The following PRR5L variants were observed in gnomAD, a reference collection of about 807,000 sequenced individuals.
PRR5L encodes proline-rich protein 5-like.
In PRR5L, 21 loss-of-function variants were observed where a neutral mutation model predicts 36.4. The observed-to-expected ratio is 0.58, with a 90% confidence interval of 0.41 to 0.83. PRR5L has a LOEUF of 0.83. Ranked by LOEUF, PRR5L falls within the 40% of genes least tolerant of loss-of-function variation. The pLI is 0.00. For missense variants in PRR5L, 381 were observed against 473.3 expected (o/e 0.80, Z 1.81); for synonymous variants, 188 against 197.0 (o/e 0.95, Z 0.38).
intron 1 of PRR5L, among the ~76,000 whole-genome samples, chr11:36,325,931 G>A (rs931680567): frequency 1.3e-5 from 2 of 152,126 alleles, no homozygotes; most frequent in African/African-American, 2.4e-5. Context: ...CTGTGAGTCA[G>A]TTGTTGGTCT....
intron 1 of PRR5L, among the ~76,000 whole-genome samples, chr11:36,365,572 AGTATT>A (rs1857136417): frequency 6.6e-6 from 1 of 152,142 alleles, no homozygotes; most frequent in Non-Finnish European, 1.5e-5. Context: ...TATTGCATGG[AGTATT>A]TTTCCAAAAG....
chr11:36,364,514 C>A (rs906561666), intron 1 of PRR5L, among the ~76,000 whole-genome samples: 1 of 152,156 alleles, frequency 6.6e-6, no homozygotes, highest in Non-Finnish European at 1.5e-5. Flanking sequence ...GCACCTATTT[C>A]TTAGGATGGT....
At chr11:36,429,492 G>A (rs998527053) in intron 4 of PRR5L, among the ~76,000 whole-genome samples, 6 of 152,106 alleles carry the variant, frequency 3.9e-5, no homozygotes, top group African/African-American at 1.4e-4. Flanking sequence ...TTCTGTCCAT[G>A]CCTCAGTTCC....
rs561825771 is a variant in PRR5L, at chr11:36,426,787, C to T, written c.295-5066C>T. On this transcript the variant is annotated intron_variant, in intron 4 of 8. Transcript: ENST00000530639. ...ACTGACATTCTTACTGCATTGTCAT[C>T]ACCACTAAAACATTAAAAGGGACGG... 2.6e-5 allele frequency among the ~76,000 whole-genome samples: 4 copies of T among 152,336 alleles called. No homozygotes were observed. In the East Asian group the frequency reaches 7.7e-4, roughly 29 times the overall value.
intron 1 of PRR5L, among the ~76,000 whole-genome samples, chr11:36,399,349 C>T (rs1857738689): frequency 1.3e-5 from 2 of 152,152 alleles, no homozygotes; most frequent in South Asian, 2.1e-4. Flanking sequence ...TCTGCCTCTT[C>T]GTATTACAAG....
chr11:36,462,061 C>A, intron 8 of PRR5L, among the ~76,000 whole-genome samples: 1 of 152,210 alleles, frequency 6.6e-6, no homozygotes, highest in Middle Eastern at 3.2e-3. Context: ...CTGAAAAACA[C>A]ACCAGATTCC....
intron 1 of PRR5L, among the ~76,000 whole-genome samples, chr11:36,342,628 A>G (rs1049697886): frequency 2.0e-5 from 3 of 152,104 alleles, no homozygotes; most frequent in Admixed American, 1.3e-4. Context: ...CAGAACACCC[A>G]AGCAGGCCTC....
At chr11:36,462,084 C>T (rs1859197795) in intron 8 of PRR5L, among the ~76,000 whole-genome samples, 1 of 152,182 alleles carries the variant, frequency 6.6e-6, no homozygotes. Context: ...TGACTCTTAT[C>T]TGTCAAGGAA....
intron 1 of PRR5L, chr11:36,376,000 AT>A (rs1368322160): frequency 2.3e-6 from 1 of 427,362 alleles, no homozygotes; most frequent in African/African-American, 2.3e-5. Context: ...GCAGTTTCCC[AT>A]TGCGGGGCAG....
intron 1 of PRR5L, among the ~76,000 whole-genome samples, chr11:36,343,008 G>C (rs1170416944): frequency 6.6e-6 from 1 of 152,108 alleles, no homozygotes; most frequent in Non-Finnish European, 1.5e-5. Flanking sequence ...TTGATGTTTC[G>C]AGGAGATCAT....
At chr11:36,430,113 T>C (rs1320889579) in intron 4 of PRR5L, among the ~76,000 whole-genome samples, 1 of 152,174 alleles carries the variant, frequency 6.6e-6, no homozygotes, top group Non-Finnish European at 1.5e-5. Flanking sequence ...ATCTGCCATC[T>C]TGAAACTACA....
At chr11:36,391,620 A>C (rs1411035206) in intron 1 of PRR5L, among the ~76,000 whole-genome samples, 1 of 152,216 alleles carries the variant, frequency 6.6e-6, no homozygotes, top group Non-Finnish European at 1.5e-5. Context: ...GGTCCTTCCG[A>C]AAGAAATATG....
chr11:36,321,788 G>A (rs1257665606), intron 1 of PRR5L, among the ~76,000 whole-genome samples: 3 of 152,204 alleles, frequency 2.0e-5, no homozygotes, highest in South Asian at 2.1e-4. Flanking sequence ...TAGATGAAGT[G>A]CAAGATCAAG....
At chr11:36,460,409 G>A (rs79002342) in intron 8 of PRR5L, among the ~76,000 whole-genome samples, 229 of 152,008 alleles carry the variant, frequency 1.5e-3, no homozygotes, top group Non-Finnish European at 2.9e-3. Flanking sequence ...CAAGTCTGCC[G>A]TTCCTTTGTT....
chr11:36,405,646 C>T (rs1857893667), intron 3 of PRR5L, among the ~76,000 whole-genome samples: 1 of 152,188 alleles, frequency 6.6e-6, no homozygotes, highest in African/African-American at 2.4e-5. Flanking sequence ...ATTTGAACTC[C>T]TTTCTGACTT....
At chr11:36,435,475 G>A (rs1858585427) in intron 5 of PRR5L, among the ~76,000 whole-genome samples, 1 of 152,154 alleles carries the variant, frequency 6.6e-6, no homozygotes, top group Non-Finnish European at 1.5e-5. Context: ...CCCTAGAAGT[G>A]ATGTTCAAGC....
chr11:36,401,348 T>C (rs1857792241), intron 2 of PRR5L, 63 bp downstream of exon 2: 1 of 1,512,454 alleles, frequency 6.6e-7, no homozygotes. Context: ...GAGGGAGGCA[T>C]CCGGGGGCTG....
intron 1 of PRR5L, among the ~76,000 whole-genome samples, chr11:36,331,149 T>G (rs1349001443): frequency 1.3e-5 from 2 of 152,196 alleles, no homozygotes; most frequent in African/African-American, 4.8e-5. Context: ...TCTGAAATAT[T>G]TATATTAATA....
chr11:36,434,351 T>G (rs1858562881), intron 5 of PRR5L, among the ~76,000 whole-genome samples: 1 of 152,232 alleles, frequency 6.6e-6, no homozygotes, highest in Non-Finnish European at 1.5e-5. Context: ...AAATTGTGTT[T>G]GGATAAAACT....
Sources: gnomAD v4.1 joint callset for allele counts (sites outside exome capture counted in the v4.1 genomes callset) on GRCh38, gnomAD v4.1.1 for gene constraint, MANE v1.5 for transcripts, NCBI Gene and HGNC (gene_info 2026-07-23, HGNC 2026-07-21) for gene names.